Variants in GRID2 observed in about 807,000 individuals in gnomAD.
GRID2 encodes glutamate receptor ionotropic, delta-2.
Under a neutral mutation model 114.8 loss-of-function variants are expected in GRID2, and 33 were observed. That is an observed-to-expected ratio of 0.29 (90% confidence interval 0.22 to 0.38). The LOEUF (loss-of-function observed/expected upper bound fraction) is 0.38, where lower values mean the gene tolerates loss of function less well. GRID2 is among the 10% of genes least tolerant of loss of function. GRID2 has a pLI of 1.00. For synonymous variants in GRID2, 505 were observed against 449.9 expected (o/e 1.12, Z -1.55); for missense variants, 1,184 against 1,257.7 (o/e 0.94, Z 0.89).
intron 2 of GRID2, among the ~76,000 whole-genome samples, chr4:93,081,078 C>T (rs1358692444): frequency 1.3e-5 from 2 of 152,094 alleles, no homozygotes; most frequent in African/African-American, 2.4e-5. Flanking sequence ...CATTGGGGAT[C>T]GAGTTTTCAA....
At position 93,189,628 on chromosome 4, in the gene GRID2, T is replaced by A. The variant is rs888655166; in HGVS notation, c.736-17776T>A. On this transcript the variant is annotated intron_variant, in intron 4 of 15. Transcript: ENST00000282020. ...GTGTACTTTCATTCAATCATATTAA[T>A]TTTTTGTTCAGCACCATACCGAAGT... 1.4e-4 allele frequency among the ~76,000 whole-genome samples: 21 copies of A among 152,208 alleles called. 1 individual carries two copies. Among genetic ancestry groups the A allele is most frequent in the Non-Finnish European group, 2.8e-4 (19 of 68,002 alleles).
At chr4:93,301,688 T>A (rs1244020418) in intron 8 of GRID2, among the ~76,000 whole-genome samples, 1 of 152,186 alleles carries the variant, frequency 6.6e-6, no homozygotes, top group Non-Finnish European at 1.5e-5. Context: ...AGTTACATAA[T>A]CCTACGTATT....
At chr4:92,898,521 G>T (rs570529161) in intron 2 of GRID2, among the ~76,000 whole-genome samples, 6 of 152,064 alleles carry the variant, frequency 3.9e-5, no homozygotes, top group Admixed American at 3.9e-4. Context: ...AAAACCCTGA[G>T]CTGTTAAATG....
intron 13 of GRID2, among the ~76,000 whole-genome samples, chr4:93,567,841 C>G (rs910346536): frequency 5.9e-5 from 9 of 152,164 alleles, no homozygotes; most frequent in Admixed American, 3.9e-4. Context: ...ATTCCATGAA[C>G]AGTGAAAATG....
At chr4:92,638,668 A>T (rs1731191691) in intron 2 of GRID2, among the ~76,000 whole-genome samples, 1 of 150,286 alleles carries the variant, frequency 6.7e-6, no homozygotes, top group South Asian at 2.1e-4. Context: ...AATTAATTGA[A>T]ATATGTAATA....
chr4:93,209,323 C>A (rs1187083924), intron 5 of GRID2, among the ~76,000 whole-genome samples: 4 of 152,076 alleles, frequency 2.6e-5, no homozygotes, highest in African/African-American at 9.7e-5. Context: ...TCATTTAGCT[C>A]CCATTTATAA....
intron 8 of GRID2, among the ~76,000 whole-genome samples, chr4:93,271,555 A>G (rs1425978597): frequency 1.3e-5 from 2 of 152,206 alleles, no homozygotes; most frequent in African/African-American, 2.4e-5. Context: ...AGAGGAGGGT[A>G]GAAGCCTCAA....
At chr4:93,266,021 T>A (rs950277290) in intron 8 of GRID2, among the ~76,000 whole-genome samples, 4 of 152,158 alleles carry the variant, frequency 2.6e-5, no homozygotes, top group Non-Finnish European at 5.9e-5. Context: ...AGGTGGGAAC[T>A]GACTCTAATA....
intron 8 of GRID2, among the ~76,000 whole-genome samples, chr4:93,290,971 G>A (rs1212379312): frequency 1.5e-5 from 2 of 135,376 alleles, no homozygotes; most frequent in Non-Finnish European, 3.1e-5. Flanking sequence ...TCCGCCTCCC[G>A]GGTTCACGCC....
intron 8 of GRID2, among the ~76,000 whole-genome samples, chr4:93,356,692 CAT>C (rs1377512155): frequency 6.6e-6 from 1 of 151,914 alleles, no homozygotes; most frequent in East Asian, 1.9e-4. Flanking sequence ...TTTATTAAAA[CAT>C]AACGTGTAAA....
chr4:93,633,326 A>G (rs1721111490), intron 14 of GRID2, among the ~76,000 whole-genome samples: 1 of 151,936 alleles, frequency 6.6e-6, no homozygotes, highest in African/African-American at 2.4e-5. Context: ...AAAAATACAA[A>G]TTATTCAAAA....
chr4:92,386,282 C>T (rs1475601082), intron 1 of GRID2, among the ~76,000 whole-genome samples: 1 of 151,700 alleles, frequency 6.6e-6, no homozygotes, highest in African/African-American at 2.4e-5. Context: ...TGTATATTCA[C>T]TCTCAGTTTA....
intron 8 of GRID2, among the ~76,000 whole-genome samples, chr4:93,295,250 C>A (rs548836656): frequency 2.6e-5 from 4 of 152,018 alleles, no homozygotes; most frequent in African/African-American, 7.2e-5. Flanking sequence ...TGAGTGAAAT[C>A]GAGAAAAACG....
chr4:92,623,097 A>C (rs2149239998), intron 2 of GRID2, among the ~76,000 whole-genome samples: 1 of 151,844 alleles, frequency 6.6e-6, no homozygotes, highest in African/African-American at 2.4e-5. Flanking sequence ...AAAACTAATA[A>C]AATTTCAAAG....
chr4:92,998,557 G>A (rs928986875), intron 2 of GRID2, among the ~76,000 whole-genome samples: 9 of 151,906 alleles, frequency 5.9e-5, no homozygotes, highest in Non-Finnish European at 1.2e-4. Context: ...CAGAAGGGAG[G>A]AAATTGATTT....
intron 9 of GRID2, among the ~76,000 whole-genome samples, chr4:93,396,423 T>C (rs1001118288): frequency 3.9e-5 from 6 of 151,964 alleles, no homozygotes; most frequent in Admixed American, 2.0e-4. Context: ...AATCACATTG[T>C]GTAGGGCTTA....
chr4:92,786,035 T>G (rs1360126342), intron 2 of GRID2, among the ~76,000 whole-genome samples: 1 of 151,776 alleles, frequency 6.6e-6, no homozygotes, highest in Non-Finnish European at 1.5e-5. Context: ...TGGAAATGAG[T>G]TAGGTACCTC....
intron 13 of GRID2, among the ~76,000 whole-genome samples, chr4:93,529,237 C>T (rs1356550981): frequency 2.0e-5 from 3 of 152,100 alleles, no homozygotes. Flanking sequence ...TGGGGTGGGA[C>T]CCAAGAATTA....
chr4:93,600,105 G>A (rs1158090475), intron 13 of GRID2, among the ~76,000 whole-genome samples: 1 of 151,966 alleles, frequency 6.6e-6, no homozygotes, highest in Non-Finnish European at 1.5e-5. Context: ...AAATTAAAAG[G>A]GCTGAGTAAA....
Sources: allele counts gnomAD v4.1 joint callset (sites outside exome capture counted in the v4.1 genomes callset), GRCh38; gene constraint gnomAD v4.1.1; transcripts MANE v1.5; gene names NCBI Gene and HGNC (gene_info 2026-07-23, HGNC 2026-07-21).